Variants in PRDM8 observed in about 807,000 individuals in gnomAD.
PRDM8 encodes PR domain zinc finger protein 8.
A neutral mutation model predicts 46.5 loss-of-function variants in PRDM8; 13 were observed. That is an observed-to-expected ratio of 0.28 (90% confidence interval 0.18 to 0.44). PRDM8 has a LOEUF of 0.44. PRDM8 is among the 20% of genes least tolerant of loss of function. The probability of loss-of-function intolerance (pLI) is 1.00; values close to 1 mark genes in which losing one functional copy is unlikely to be tolerated. For missense variants in PRDM8, 998 were observed against 955.0 expected (o/e 1.04, Z -0.59); for synonymous variants, 473 against 438.4 (o/e 1.08, Z -0.98).
chr4:80,187,905 C>T (rs561539250), intron 1 of PRDM8, among the ~76,000 whole-genome samples: 1 of 152,326 alleles, frequency 6.6e-6, no homozygotes, highest in South Asian at 2.1e-4. Flanking sequence ...CCATTTCAGA[C>T]AGACTCTTTG....
chr4:80,193,673 T>C (rs923536361), upstream of PRDM8, among the ~76,000 whole-genome samples: 36 of 152,210 alleles, frequency 2.4e-4, no homozygotes, highest in African/African-American at 8.2e-4. Context: ...ATCTATTCTC[T>C]TCCTCCCTCA....
In PRDM8 at chr4:80,197,603, C is replaced by A; in HGVS notation, c.-163C>A. On this transcript the variant is annotated 5_prime_UTR_variant, in exon 1 of 4. Transcript: ENST00000415738. ...CCCAATCTTTTTCTCCCCATCTCTCCATCTCTCTCTTATCTCTTCAGGAAG... is the reference window on the plus strand; with the variant it reads ...CCCAATCTTTTTCTCCCCATCTCTCAATCTCTCTCTTATCTCTTCAGGAAG... 1 of 975,572 alleles carries A rather than the reference C, an allele frequency of 1.0e-6. No individual in the cohort carries two copies. The highest frequency in any genetic ancestry group is 1.2e-6 in the Non-Finnish European group (1 of 821,020). The allele number at this position is 975,572 out of a possible 1,614,324, so 60.4% of individuals were successfully genotyped here. A position where few individuals can be genotyped will look rare whatever the true frequency, so the allele number is the denominator to read the frequency against.
upstream of PRDM8, chr4:80,196,201 G>A (rs749976785): frequency 2.2e-6 from 2 of 909,746 alleles, no homozygotes; most frequent in Non-Finnish European, 2.6e-6. Context: ...GTCTCCTTAC[G>A]TTGTGGTTCT....
chr4:80,198,980 GTTTTTTTTTTTTTGTTTTTTTTT>G (rs1440449070), intron 1 of PRDM8, among the ~76,000 whole-genome samples: 26 of 104,222 alleles, frequency 2.5e-4, no homozygotes, highest in African/African-American at 7.6e-4. Context: ...GTTTTTTTGG[GTTTTTTTTTTTTTGTTTTTTTTT>G]TTTTTTTTTT....
rs1738749946 is a variant in PRDM8, at chr4:80,203,521, T to G, written c.2059T>G (p.Ser687Ala). 5 of 1,609,506 alleles carry G rather than the reference T, an allele frequency of 3.1e-6. No individual in the cohort carries two copies. Among genetic ancestry groups the G allele is most frequent in the Non-Finnish European group, 4.2e-6 (5 of 1,177,392 alleles). Residue 687 changes from serine (S) to alanine (A), a missense_variant, in exon 4 of 4, where the codon TCG (serine) becomes GCG (alanine). Transcript: ENST00000415738. Reference sequence around the variant, plus strand: ...CCACCACCTCTCCAGGCACATGACCTCGCATAATTGACTCGGAAAGGACCC... The same window carrying G: ...CCACCACCTCTCCAGGCACATGACCGCGCATAATTGACTCGGAAAGGACCC... ...ERHHLSRHMTSHN is the reference protein window; with the variant it reads ...ERHHLSRHMTAHN
rs922252946 is a variant in PRDM8, at chr4:80,192,061, G to A, written c.-885+492G>A. 2.0e-5 allele frequency among the ~76,000 whole-genome samples: 3 copies of A among 151,950 alleles called. No homozygotes were observed. The East Asian group carries it at 5.8e-4, about 29-fold the overall frequency. On this transcript the variant is annotated intron_variant, in intron 2 of 9. Transcript: ENST00000339711. Reference sequence around the variant, plus strand: ...TCTCTTTTCCTGGAGAAAATGAAATGTCTCTCTCTTCAGGCCTCAGGAAAG... The same window carrying A: ...TCTCTTTTCCTGGAGAAAATGAAATATCTCTCTCTTCAGGCCTCAGGAAAG...
rs76800689 is a variant in PRDM8 at position 80,190,603 on chromosome 4, G to T, written c.-982-869G>T. Among the ~76,000 whole-genome samples the T allele has an allele frequency of 5.9e-5, 9 of 152,304 alleles. No individual in the cohort carries two copies. In the East Asian group the frequency reaches 1.7e-3, roughly 29 times the overall value. Reference sequence around the variant, plus strand: ...CCTTGGATCTCTCCCAGGGAAACCCGGTTTGCCAACATTGAAGTCCGTGAT... The same window carrying T: ...CCTTGGATCTCTCCCAGGGAAACCCTGTTTGCCAACATTGAAGTCCGTGAT... On this transcript the variant is annotated intron_variant, in intron 1 of 9. Coordinates refer to the PRDM8 transcript ENST00000339711.
At chr4:80,196,063 C>T (rs1737937717), upstream of PRDM8, 1 of 985,126 alleles carries the variant, frequency 1.0e-6, no homozygotes, top group East Asian at 1.1e-4. Context: ...CTGTCAAAGC[C>T]TCAATACCCC....
At chr4:80,198,979 GGTTTTTTTTTTTTTGTTTTTTTTT>G (rs1738190987) in intron 1 of PRDM8, among the ~76,000 whole-genome samples, 1 of 113,510 alleles carries the variant, frequency 8.8e-6, no homozygotes, top group Non-Finnish European at 1.7e-5. Flanking sequence ...GGTTTTTTTG[GGTTTTTTTTTTTTTGTTTTTTTTT>G]TTTTTTTTTT....
chr4:80,188,779 T>G (rs1737315589), intron 1 of PRDM8, among the ~76,000 whole-genome samples: 1 of 152,232 alleles, frequency 6.6e-6, no homozygotes, highest in Admixed American at 6.5e-5. Flanking sequence ...GGGCTGCTCC[T>G]GCGCGGAAGC....
At position 80,199,705 on chromosome 4, in the gene PRDM8, A is replaced by ATGTGTGTGTGTG. The variant is rs1321510964; in HGVS notation, c.-2-373_-2-372insGTGTGTGTGTGT. Among the ~76,000 whole-genome samples the ATGTGTGTGTGTG allele has an allele frequency of 1.1e-4, 8 of 70,040 alleles. No homozygotes were observed. The South Asian group carries it at 4.2e-3, about 37-fold the overall frequency. 45.9% of individuals were successfully genotyped at this position (70,040 alleles called of 152,430 possible). A position where few individuals can be genotyped will look rare whatever the true frequency, so the allele number is the denominator to read the frequency against. On this transcript the variant is annotated intron_variant, in intron 1 of 3. Coordinates refer to ENST00000415738, the MANE Select transcript of PRDM8 (RefSeq NM_001099403.2). ...AAAAATTATATATATGTATATATAT[A>ATGTGTGTGTGTG]TATATGTGTGTGTGTGTGTGTGTGT...
intron 1 of PRDM8, 36 bp downstream of exon 1, chr4:80,197,799 G>C: frequency 2.0e-6 from 2 of 983,080 alleles, no homozygotes; most frequent in Non-Finnish European, 2.4e-6. Context: ...AGGGGGATGG[G>C]AGGAAGACAG....
At chr4:80,198,351 AAG>A (rs1738130029) in intron 1 of PRDM8, among the ~76,000 whole-genome samples, 1 of 152,246 alleles carries the variant, frequency 6.6e-6, no homozygotes, top group African/African-American at 2.4e-5. Context: ...GCTTGTGTGA[AAG>A]AGATTTTTAA....
chr4:80,187,920 C>T (rs1012470654), intron 1 of PRDM8, among the ~76,000 whole-genome samples: 4 of 152,180 alleles, frequency 2.6e-5, no homozygotes, highest in African/African-American at 9.7e-5. Flanking sequence ...TCTTTGTCTC[C>T]CTGATTTTTG....
Position 80,197,540 on chromosome 4 carries a change from T to C in PRDM8, c.-226T>C. 1 of 985,714 alleles carries C rather than the reference T, an allele frequency of 1.0e-6. No individual in the cohort carries two copies. Among genetic ancestry groups the C allele is most frequent in the Non-Finnish European group, 1.2e-6 (1 of 829,810 alleles). 61.1% of individuals were successfully genotyped at this position (985,714 alleles called of 1,614,324 possible). ...GGGTCCATCTGTACAACTCTCTCCGTTTCTCCGTCTCTCTCCCTCCCTCCC... is the reference window on the plus strand; with the variant it reads ...GGGTCCATCTGTACAACTCTCTCCGCTTCTCCGTCTCTCTCCCTCCCTCCC... On this transcript the variant is annotated 5_prime_UTR_variant, in exon 1 of 4. Coordinates refer to ENST00000415738, the MANE Select transcript of PRDM8 (RefSeq NM_001099403.2).
chr4:80,192,153 G>C (rs1737596502), intron 2 of PRDM8, among the ~76,000 whole-genome samples: 1 of 152,148 alleles, frequency 6.6e-6, no homozygotes, highest in Non-Finnish European at 1.5e-5. Context: ...TCCCAGAAGA[G>C]CCATGCTTTC....
chr4:80,199,937 G>A (rs2109875332), intron 1 of PRDM8, 142 bp from the exon 2 acceptor site: 1 of 635,442 alleles, frequency 1.6e-6, no homozygotes, highest in East Asian at 2.7e-5. Flanking sequence ...ATGTTTATCT[G>A]CTTTAATTTT....
Position 80,202,086 on chromosome 4 carries a change from T to C in PRDM8, c.624T>C (p.Gly208=), listed in dbSNP as rs1230275737. ...AGGACCACGGGGGCGGCGGCGGCGG[T>C]GGCAAAGACCAGCAGCAGCAGCAGC... ...GTKDHGGGGG[G]GKDQQQQQQE... Residue 208 remains glycine, a synonymous_variant, in exon 4 of 4, where the codon GGT becomes GGC. Coordinates refer to ENST00000415738, the MANE Select transcript of PRDM8 (RefSeq NM_001099403.2). 11 of 1,579,794 alleles carry C rather than the reference T, an allele frequency of 7.0e-6. No individual in the cohort carries two copies. Among genetic ancestry groups the C allele is most frequent in the East Asian group, 2.3e-5 (1 of 43,338 alleles).
At position 80,200,242 on chromosome 4, in the gene PRDM8, C is replaced by T. The variant is rs775027436; in HGVS notation, c.162C>T (p.Ser54=). Residue 54 remains serine, a synonymous_variant, in exon 2 of 4, where the codon AGC becomes AGT. Coordinates refer to ENST00000415738, the MANE Select transcript of PRDM8 (RefSeq NM_001099403.2). ...TGAGCCATACTTCCCTATATGACAGCATAGCTTTCATAGCTCTCAAGTCTA... is the reference window on the plus strand; with the variant it reads ...TGAGCCATACTTCCCTATATGACAGTATAGCTTTCATAGCTCTCAAGTCTA... ...CVLSHTSLYD[S]IAFIALKSTD... The T allele has an allele frequency of 1.2e-6, 2 of 1,614,108 alleles. No individual in the cohort carries two copies. Among genetic ancestry groups the T allele is most frequent in the Non-Finnish European group, 1.7e-6 (2 of 1,179,998 alleles).
Sources: gnomAD v4.1 joint callset for allele counts (sites outside exome capture counted in the v4.1 genomes callset) on GRCh38, gnomAD v4.1.1 for gene constraint, MANE v1.5 for transcripts, NCBI Gene and HGNC (gene_info 2026-07-23, HGNC 2026-07-21) for gene names.